The following ABCC11 variants were observed in gnomAD, a reference collection of about 807,000 sequenced individuals.
The protein encoded by ABCC11 is ATP-binding cassette sub-family C member 11.
Under a neutral mutation model 149.3 loss-of-function variants are expected in ABCC11, and 135 were observed. The observed-to-expected ratio is 0.90, with a 90% CI of 0.79 to 1.04. ABCC11 has a LOEUF of 1.04. Ranked by LOEUF, ABCC11 falls within the 50% of genes least tolerant of loss-of-function variation. The pLI is 0.00. For missense variants in ABCC11, 1,680 were observed against 1,722.1 expected, an observed-to-expected ratio of 0.98 and a Z score of 0.43; for synonymous variants, 665 against 671.4, an observed-to-expected ratio of 0.99 and a Z score of 0.15.
At chr16:48,169,237 T>C (rs892180754) in intron 28 of ABCC11, among the ~76,000 whole-genome samples, 8 of 152,178 alleles carry the variant, frequency 5.3e-5, no homozygotes, top group Non-Finnish European at 1.2e-4. Context: ...GGATCATCAT[T>C]TGGTCTAGTT....
rs1965355924 is a variant in ABCC11, at chr16:48,166,724, T to C, written c.*550A>G. Among the ~76,000 whole-genome samples, 1 of 151,956 alleles carries C rather than the reference T, an allele frequency of 6.6e-6. No homozygotes were observed. The highest frequency in any genetic ancestry group is 6.6e-5 in the Admixed American group (1 of 15,242). On this transcript the variant is annotated 3_prime_UTR_variant, in exon 30 of 30. Transcript: ENST00000356608. ...TACTAAAAATACAAAAATTAGCCAG[T>C]CATGGTGGCACATGCTTGTAATCCT...
intron 20 of ABCC11, among the ~76,000 whole-genome samples, chr16:48,191,203 A>G (rs542489389): frequency 9.0e-4 from 137 of 152,348 alleles, no homozygotes; most frequent in Admixed American, 2.5e-3. Flanking sequence ...TGACTCATCA[A>G]TTGTAACAAA....
chr16:48,201,449 T>C (rs2150823343), intron 14 of ABCC11, among the ~76,000 whole-genome samples: 1 of 151,176 alleles, frequency 6.6e-6, no homozygotes, highest in Admixed American at 6.6e-5. Context: ...TTAGCCAATG[T>C]TTTTAAACCT....
chr16:48,236,943 A>G (rs1289236046), intron 1 of ABCC11, among the ~76,000 whole-genome samples: 2 of 152,224 alleles, frequency 1.3e-5, no homozygotes, highest in Non-Finnish European at 2.9e-5. Flanking sequence ...GTGTTCCATT[A>G]TGGGAATGCT....
intron 20 of ABCC11, among the ~76,000 whole-genome samples, chr16:48,192,214 TG>T (rs1183568232): frequency 6.6e-6 from 1 of 150,608 alleles, no homozygotes; most frequent in African/African-American, 2.4e-5. Flanking sequence ...GGGGCCGAGG[TG>T]GATGGATCAC....
intron 1 of ABCC11, among the ~76,000 whole-genome samples, chr16:48,241,593 C>T (rs962952260): frequency 4.6e-5 from 7 of 152,210 alleles, no homozygotes; most frequent in Non-Finnish European, 1.0e-4. Flanking sequence ...CCAAGACAAT[C>T]GTAAGCCAAA....
intron 1 of ABCC11, among the ~76,000 whole-genome samples, chr16:48,240,557 G>A (rs553259713): frequency 6.6e-6 from 1 of 152,166 alleles, no homozygotes; most frequent in Non-Finnish European, 1.5e-5. Flanking sequence ...GCATCAGGAA[G>A]AAAAGCTAAT....
intron 18 of ABCC11, among the ~76,000 whole-genome samples, chr16:48,194,996 A>G (rs1967263847): frequency 6.6e-6 from 1 of 152,238 alleles, no homozygotes; most frequent in African/African-American, 2.4e-5. Context: ...GAAGCAGTTA[A>G]GGGCAGGAAA....
chr16:48,234,816 T>C (rs1970608175), intron 1 of ABCC11, among the ~76,000 whole-genome samples: 1 of 152,064 alleles, frequency 6.6e-6, no homozygotes, highest in South Asian at 2.1e-4. Flanking sequence ...AGGATTACTG[T>C]GCAAGCCAAG....
intron 25 of ABCC11, 69 bp from the exon 26 acceptor site, chr16:48,175,486 T>C: frequency 1.3e-6 from 2 of 1,517,970 alleles, no homozygotes; most frequent in Non-Finnish European, 1.8e-6. Context: ...AGATCGCACC[T>C]GGCGATCACA....
chr16:48,195,368 G>C (rs961164868), intron 18 of ABCC11, among the ~76,000 whole-genome samples: 2 of 152,160 alleles, frequency 1.3e-5, no homozygotes, highest in Admixed American at 6.5e-5. Flanking sequence ...CTCTGTCTGG[G>C]CAGGCCCTGG....
In ABCC11 at chr16:48,193,528, C is replaced by G. The variant is rs114653464; in HGVS notation, c.2508+351G>C. 5.9e-3 allele frequency among the ~76,000 whole-genome samples: 892 copies of G among 152,264 alleles called. 6 individuals carry two copies. The highest frequency in any genetic ancestry group is 0.021 in the African/African-American group (874 of 41,546). On this transcript the variant is annotated intron_variant, in intron 19 of 29. Coordinates refer to ENST00000356608, the MANE Select transcript of ABCC11 (RefSeq NM_001370497.1). ...GTGGCCCGTGGTGGCTCCCAGCTCA[C>G]AAGACCAGAAGTATATTTTAAATAA...
intron 11 of ABCC11, chr16:48,210,008 T>C (rs900732688): frequency 1.3e-5 from 2 of 151,446 alleles, no homozygotes; most frequent in African/African-American, 2.4e-5. Flanking sequence ...GGGTGGCAGG[T>C]TTGGGGCAGA....
intron 26 of ABCC11, among the ~76,000 whole-genome samples, chr16:48,172,169 C>T (rs28776316): frequency 1.3e-5 from 2 of 152,168 alleles, no homozygotes; most frequent in Admixed American, 6.5e-5. Flanking sequence ...TCTTTCACTT[C>T]GTGTCCATCC....
intron 5 of ABCC11, among the ~76,000 whole-genome samples, chr16:48,224,008 C>G (rs776935538): frequency 6.6e-6 from 1 of 152,126 alleles, no homozygotes; most frequent in Admixed American, 6.5e-5. Context: ...GAAACCAAGT[C>G]GCAGAGAATG....
chr16:48,190,110 G>A (rs1488586360), intron 20 of ABCC11, among the ~76,000 whole-genome samples: 1 of 152,154 alleles, frequency 6.6e-6, no homozygotes, highest in African/African-American at 2.4e-5. Flanking sequence ...GCTAAGACAA[G>A]GTGCCTCTTA....
intron 1 of ABCC11, among the ~76,000 whole-genome samples, chr16:48,245,035 C>G (rs528569416): frequency 1.3e-5 from 2 of 152,276 alleles, no homozygotes; most frequent in Admixed American, 6.5e-5. Flanking sequence ...TTACTCCTAT[C>G]CGCCTCCCCT....
At chr16:48,195,487 G>A (rs934781674) in intron 18 of ABCC11, among the ~76,000 whole-genome samples, 8 of 152,088 alleles carry the variant, frequency 5.3e-5, no homozygotes, top group Non-Finnish European at 7.4e-5. Context: ...CTTACACAAG[G>A]GTCAGCTTCC....
intron 1 of ABCC11, among the ~76,000 whole-genome samples, chr16:48,238,664 G>A (rs182739382): frequency 6.6e-4 from 101 of 152,050 alleles, no homozygotes; most frequent in African/African-American, 7.2e-4. Context: ...TAGGCCGGGC[G>A]CGGTGGCTCA....
Sources: allele counts gnomAD v4.1 joint callset (sites outside exome capture counted in the v4.1 genomes callset), GRCh38; gene constraint gnomAD v4.1.1; transcripts MANE v1.5; gene names NCBI Gene and HGNC (gene_info 2026-07-23, HGNC 2026-07-21).